Variants in CCSER1 observed in about 807,000 individuals in gnomAD.
The protein encoded by CCSER1 is serine-rich coiled-coil domain-containing protein 1.
Under a neutral mutation model 82.0 loss-of-function variants are expected in CCSER1, and 41 were observed. The observed-to-expected ratio is 0.50, with a 90% CI of 0.39 to 0.65. The LOEUF is 0.65. CCSER1 is among the 30% of genes least tolerant of loss of function. The pLI is 0.00. For synonymous variants in CCSER1, 414 were observed against 383.9 expected (o/e 1.08, Z -0.92); for missense variants, 1,119 against 1,064.2 (o/e 1.05, Z -0.72).
intron 8 of CCSER1, among the ~76,000 whole-genome samples, chr4:90,856,247 C>T (rs1436352557): frequency 5.3e-5 from 8 of 151,948 alleles, no homozygotes; most frequent in Admixed American, 2.0e-4. Flanking sequence ...TTTGTTTAAG[C>T]TGATGTTGAT....
At chr4:90,442,503 G>C (rs956006489) in intron 4 of CCSER1, among the ~76,000 whole-genome samples, 1 of 152,210 alleles carries the variant, frequency 6.6e-6, no homozygotes, top group African/African-American at 2.4e-5. Flanking sequence ...GTTGAGGAAA[G>C]AGATTTATAA....
chr4:90,871,261 G>A lies in CCSER1; in HGVS notation c.2095-52109G>A, dbSNP rs1561281447. Among the ~76,000 whole-genome samples, 3 of 151,436 alleles carry A rather than the reference G, an allele frequency of 2.0e-5. No homozygotes were observed. In the South Asian group the frequency reaches 6.2e-4, roughly 31 times the overall value. ...TCATGCTTTTGTAGTTCTTTAAGAT[G>A]TATTGTTAGCTTGTTCAAGTTTTAA... is the stretch of plus-strand genomic sequence containing the variant. On this transcript the variant is annotated intron_variant, in intron 8 of 10. Coordinates refer to ENST00000509176, the MANE Select transcript of CCSER1 (RefSeq NM_001145065.2).
intron 5 of CCSER1, among the ~76,000 whole-genome samples, chr4:90,497,235 G>A (rs1769177767): frequency 6.6e-6 from 1 of 152,088 alleles, no homozygotes; most frequent in Non-Finnish European, 1.5e-5. Flanking sequence ...CCATGTCCTT[G>A]CTTTGATTTA....
chr4:90,327,395 T>C lies in CCSER1; in HGVS notation c.1509+14348T>C, dbSNP rs775337112. Among the ~76,000 whole-genome samples the C allele has an allele frequency of 5.3e-4, 80 of 152,340 alleles. 2 individuals carry two copies. The highest frequency in any genetic ancestry group is 6.6e-4 in the Non-Finnish European group (45 of 68,032). ...TAGAACGGTACTCCATCAGTATGTTTCTTCTGCTGTCTTGAGTTTCTTTCC... is the reference window on the plus strand; with the variant it reads ...TAGAACGGTACTCCATCAGTATGTTCCTTCTGCTGTCTTGAGTTTCTTTCC... On this transcript the variant is annotated intron_variant, in intron 3 of 10. Transcript: ENST00000509176.
chr4:90,434,136 T>C (rs1758691806), intron 4 of CCSER1, among the ~76,000 whole-genome samples: 1 of 152,130 alleles, frequency 6.6e-6, no homozygotes, highest in African/African-American at 2.4e-5. Flanking sequence ...CATATTGTCC[T>C]TAACAGAATT....
chr4:91,498,579 T>C (rs547823570), intron 10 of CCSER1, among the ~76,000 whole-genome samples: 1 of 151,932 alleles, frequency 6.6e-6, no homozygotes, highest in African/African-American at 2.4e-5. Flanking sequence ...TCCTGGAGGA[T>C]TAAAAATAGT....
intron 3 of CCSER1, among the ~76,000 whole-genome samples, chr4:90,372,279 T>C (rs1363646127): frequency 6.6e-6 from 1 of 152,178 alleles, no homozygotes; most frequent in Non-Finnish European, 1.5e-5. Flanking sequence ...AGTTTAAAAA[T>C]GGTAACTCAC....
At chr4:90,208,070 C>T (rs753858917) in intron 1 of CCSER1, among the ~76,000 whole-genome samples, 15 of 152,302 alleles carry the variant, frequency 9.8e-5, no homozygotes, top group South Asian at 2.1e-4. Context: ...CAGGCAGGAA[C>T]GTTTAAGTCT....
At chr4:90,594,467 CAACAT>C (rs1179497173) in intron 5 of CCSER1, among the ~76,000 whole-genome samples, 1 of 152,034 alleles carries the variant, frequency 6.6e-6, no homozygotes, top group African/African-American at 2.4e-5. Flanking sequence ...TTGCTGTACC[CAACAT>C]AAGTATGGAC....
chr4:91,405,591 C>G (rs1451318859), intron 10 of CCSER1, among the ~76,000 whole-genome samples: 3 of 152,330 alleles, frequency 2.0e-5, no homozygotes, highest in African/African-American at 7.2e-5. Flanking sequence ...GCGCCCCTCC[C>G]CCTGCCTCGG....
At chr4:90,826,611 A>G (rs1226251307) in intron 8 of CCSER1, among the ~76,000 whole-genome samples, 1 of 152,194 alleles carries the variant, frequency 6.6e-6, no homozygotes, top group African/African-American at 2.4e-5. Context: ...CAGTTCATTC[A>G]TAATAAACTA....
At chr4:91,028,676 G>A (rs978432259) in intron 9 of CCSER1, among the ~76,000 whole-genome samples, 5 of 151,308 alleles carry the variant, frequency 3.3e-5, no homozygotes, top group Admixed American at 6.6e-5. Context: ...TTTCTTTAGA[G>A]CTTGTTAACA....
At chr4:91,006,875 T>C (rs1019915762) in intron 9 of CCSER1, among the ~76,000 whole-genome samples, 10 of 152,218 alleles carry the variant, frequency 6.6e-5, no homozygotes, top group Non-Finnish European at 1.3e-4. Flanking sequence ...TCCAGATCTT[T>C]CAACTTTTTC....
intron 10 of CCSER1, among the ~76,000 whole-genome samples, chr4:91,095,830 C>G (rs1189147152): frequency 6.6e-6 from 1 of 151,922 alleles, no homozygotes; most frequent in African/African-American, 2.4e-5. Context: ...TCATTTGGAT[C>G]CCATTGAGGG....
intron 9 of CCSER1, among the ~76,000 whole-genome samples, chr4:90,932,790 T>C (rs1385504339): frequency 2.3e-5 from 3 of 132,880 alleles, no homozygotes; most frequent in Non-Finnish European, 1.5e-5. Context: ...ATTGTGCCAC[T>C]GTACTCCAGG....
chr4:91,088,548 G>T (rs574956814), intron 10 of CCSER1, among the ~76,000 whole-genome samples: 2 of 152,194 alleles, frequency 1.3e-5, no homozygotes, highest in South Asian at 4.1e-4. Flanking sequence ...AATAGAGATA[G>T]GTAACACCTA....
At chr4:90,134,587 C>T (rs1188097705) in intron 1 of CCSER1, among the ~76,000 whole-genome samples, 1 of 152,170 alleles carries the variant, frequency 6.6e-6, no homozygotes, top group African/African-American at 2.4e-5. Flanking sequence ...AGAGAAAGTT[C>T]AGACATTAGA....
At chr4:90,770,412 C>T (rs1167564126) in intron 7 of CCSER1, among the ~76,000 whole-genome samples, 2 of 152,134 alleles carry the variant, frequency 1.3e-5, no homozygotes, top group Admixed American at 6.6e-5. Flanking sequence ...AAAATTAGGG[C>T]ATATAAATAT....
intron 5 of CCSER1, among the ~76,000 whole-genome samples, chr4:90,471,977 C>CAA (rs370562546): frequency 5.1e-4 from 71 of 139,872 alleles, no homozygotes; most frequent in African/African-American, 1.6e-3. Flanking sequence ...AACGCCATCT[C>CAA]AAAAAAAAAA....
Sources: gnomAD v4.1 joint callset for allele counts (sites outside exome capture counted in the v4.1 genomes callset) on GRCh38, gnomAD v4.1.1 for gene constraint, MANE v1.5 for transcripts, NCBI Gene and HGNC (gene_info 2026-07-23, HGNC 2026-07-21) for gene names.